The following TRNAU1AP variants were observed in gnomAD, a reference collection of about 807,000 sequenced individuals.
TRNAU1AP encodes the protein tRNA selenocysteine 1-associated protein 1.
A neutral mutation model predicts 43.3 loss-of-function variants in TRNAU1AP; 33 were observed. That is an observed-to-expected ratio of 0.76 (90% CI 0.58 to 1.02). The LOEUF is 1.02. Among genes scored for constraint, TRNAU1AP ranks in the 50% least tolerant of loss-of-function variants. TRNAU1AP has a pLI of 0.00. For synonymous variants in TRNAU1AP, 143 were observed against 129.1 expected, an observed-to-expected ratio of 1.11 and a Z score of -0.73; for missense variants, 290 against 362.7, an observed-to-expected ratio of 0.80 and a Z score of 1.63.
Position 28,567,413 on chromosome 1 carries a change from C to T in TRNAU1AP, c.530C>T (p.Ala177Val), listed in dbSNP as rs772628492. The change falls in exon 6 of 9, where the codon GCG becomes GTG. Residue 177 changes from alanine to valine, a missense_variant and splice_region_variant. Transcript: ENST00000373830. ...CGGCTGAGCGTGGCAATCCCTAAAG[C>T]GTGAGTCCTGCAGGGAAGGTAGAGA... ...PVRLSVAIPK[A>V]SRVKPVEYSQ... is the part of the protein sequence containing the mutation. 16 of 1,603,102 alleles carry T rather than the reference C, an allele frequency of 1.0e-5. No individual in the cohort carries two copies. Among genetic ancestry groups the T allele is most frequent in the South Asian group, 9.0e-5 (8 of 88,614 alleles).
At chr1:28,555,548 A>C (rs1665240780) in intron 2 of TRNAU1AP, among the ~76,000 whole-genome samples, 1 of 138,414 alleles carries the variant, frequency 7.2e-6, no homozygotes, top group African/African-American at 2.7e-5. Context: ...CCCAGGTTGG[A>C]GTGCAGTGGC....
At chr1:28,566,088 G>A (rs1398887413) in intron 5 of TRNAU1AP, among the ~76,000 whole-genome samples, 1 of 152,036 alleles carries the variant, frequency 6.6e-6, no homozygotes, top group Non-Finnish European at 1.5e-5. Flanking sequence ...AGACAGGCGG[G>A]TGGATCACCT....
intron 4 of TRNAU1AP, among the ~76,000 whole-genome samples, chr1:28,562,828 A>T (rs1034887617): frequency 1.3e-5 from 2 of 150,032 alleles, no homozygotes; most frequent in African/African-American, 4.9e-5. Context: ...TGATCTGCCC[A>T]CCTCAGCCTC....
chr1:28,569,838 A>G (rs1419419206), intron 6 of TRNAU1AP, among the ~76,000 whole-genome samples: 1 of 150,394 alleles, frequency 6.6e-6, no homozygotes, highest in Non-Finnish European at 1.5e-5. Flanking sequence ...TACCAAAAAA[A>G]AAAAAAAAAA....
chr1:28,559,247 GTC>G (rs1665350947), intron 2 of TRNAU1AP, among the ~76,000 whole-genome samples: 1 of 151,780 alleles, frequency 6.6e-6, no homozygotes. Flanking sequence ...AATTTTTTGA[GTC>G]TCTTTTAATG....
At chr1:28,571,074 A>G in intron 6 of TRNAU1AP, 102 bp from the exon 7 acceptor site, 1 of 1,197,954 alleles carries the variant, frequency 8.3e-7, no homozygotes, top group South Asian at 1.4e-5. Flanking sequence ...CAAGAAAAAA[A>G]AAAGTTAATC....
At chr1:28,556,087 C>T (rs1166090536) in intron 2 of TRNAU1AP, among the ~76,000 whole-genome samples, 8 of 152,130 alleles carry the variant, frequency 5.3e-5, no homozygotes, top group South Asian at 2.1e-4. Context: ...CTCATGACCT[C>T]GTGATCCGCC....
At chr1:28,572,442 C>T (rs372372389) in intron 8 of TRNAU1AP, among the ~76,000 whole-genome samples, 2 of 151,704 alleles carry the variant, frequency 1.3e-5, no homozygotes, top group South Asian at 4.2e-4. Flanking sequence ...GTGATCCGCC[C>T]GCCTCAGCCT....
intron 3 of TRNAU1AP, chr1:28,561,030 C>A: frequency 7.4e-7 from 1 of 1,342,720 alleles, no homozygotes; most frequent in Non-Finnish European, 9.6e-7. Context: ...AAACTCTAGA[C>A]CTCTTGCCTG....
At position 28,577,864 on chromosome 1, in the gene TRNAU1AP, C is replaced by T; in HGVS notation, c.*228C>T. 1 of 499,534 alleles carries T rather than the reference C, an allele frequency of 2.0e-6. No individual in the cohort carries two copies. Among genetic ancestry groups the T allele is most frequent in the Non-Finnish European group, 3.6e-6 (1 of 281,222 alleles). 30.9% of individuals were successfully genotyped at this position (499,534 alleles called of 1,614,324 possible). A position where few individuals can be genotyped will look rare whatever the true frequency, so the allele number is the denominator to read the frequency against. On this transcript the variant is annotated 3_prime_UTR_variant, in exon 9 of 9. Transcript: ENST00000373830. ...CAAATTGGTTTCCTTCACAGGAATC[C>T]TTTGTCCAGGTAGTTATCCACATAG... is the stretch of plus-strand genomic sequence containing the variant.
chr1:28,563,959 C>T (rs1291775699), intron 4 of TRNAU1AP, among the ~76,000 whole-genome samples: 1 of 152,002 alleles, frequency 6.6e-6, no homozygotes, highest in Non-Finnish European at 1.5e-5. Context: ...TTTGTATCAC[C>T]CACAAGCTCG....
intron 7 of TRNAU1AP, 73 bp from the exon 8 acceptor site, chr1:28,571,794 A>C: frequency 1.5e-6 from 2 of 1,306,958 alleles, no homozygotes; most frequent in South Asian, 2.4e-5. Context: ...AAAAAAATAA[A>C]AAATATAAGC....
At chr1:28,554,405 A>G (rs1411417235) in intron 2 of TRNAU1AP, among the ~76,000 whole-genome samples, 2 of 152,112 alleles carry the variant, frequency 1.3e-5, no homozygotes, top group Admixed American at 1.3e-4. Context: ...AGGACAGTGT[A>G]TGGCATATAG....
At chr1:28,575,849 CG>C (rs1665766313) in intron 8 of TRNAU1AP, among the ~76,000 whole-genome samples, 4 of 118,272 alleles carry the variant, frequency 3.4e-5, no homozygotes, top group Middle Eastern at 6.0e-3. Context: ...TGAGCCACTG[CG>C]CCTGGCTTTT....
At chr1:28,566,759 CAAAAA>C (rs1204229638) in intron 5 of TRNAU1AP, among the ~76,000 whole-genome samples, 5 of 72,366 alleles carry the variant, frequency 6.9e-5, no homozygotes, top group Admixed American at 6.1e-4. Context: ...AACTCCATCT[CAAAAA>C]AAAAAAAAAA....
intron 5 of TRNAU1AP, 73 bp downstream of exon 5, chr1:28,564,907 G>GA: frequency 6.3e-7 from 1 of 1,587,254 alleles, no homozygotes; most frequent in Non-Finnish European, 8.6e-7. Context: ...AGGTGTTTTA[G>GA]AAAGGCCCTG....
At position 28,577,501 on chromosome 1, in the gene TRNAU1AP, C is replaced by T. The variant is rs769702935; in HGVS notation, c.729C>T (p.Asp243=). 9 of 1,613,650 alleles carry T rather than the reference C, an allele frequency of 5.6e-6. No homozygotes were observed. The highest frequency in any genetic ancestry group is 4.0e-5 in the African/African-American group (3 of 74,888). Residue 243 remains aspartate, a splice_region_variant and synonymous_variant, in exon 9 of 9, where the codon GAC becomes GAT. Transcript: ENST00000373830. ...YEEVGDDALE[D]PMPQLDVTEA... ...ACCCCATCCTTGCTTGCTTTCCAGACCCCATGCCACAGCTGGATGTGACTG... is the reference window on the plus strand; with the variant it reads ...ACCCCATCCTTGCTTGCTTTCCAGATCCCATGCCACAGCTGGATGTGACTG...
Position 28,578,381 on chromosome 1 carries a change from G to A in TRNAU1AP, c.*745G>A, listed in dbSNP as rs548980504. Reference sequence around the variant, plus strand: ...AAACTGTCCAACCTTGTCATGTGTTGGGACTTACTGCTTGAGGCAAAGCAT... The same window carrying A: ...AAACTGTCCAACCTTGTCATGTGTTAGGACTTACTGCTTGAGGCAAAGCAT... On this transcript the variant is annotated 3_prime_UTR_variant, in exon 9 of 9. Transcript: ENST00000373830. 7 of 181,244 alleles carry A rather than the reference G, an allele frequency of 3.9e-5. No homozygotes were observed. In the East Asian group the frequency reaches 7.3e-4, roughly 19 times the overall value. 11.2% of individuals were successfully genotyped at this position (181,244 alleles called of 1,614,324 possible).
intron 8 of TRNAU1AP, among the ~76,000 whole-genome samples, chr1:28,573,645 C>T (rs1490178305): frequency 1.1e-4 from 17 of 152,002 alleles, no homozygotes; most frequent in South Asian, 6.2e-4. Flanking sequence ...TGGTGTTGCG[C>T]GCCTATAATC....
Sources: allele counts gnomAD v4.1 joint callset (sites outside exome capture counted in the v4.1 genomes callset), GRCh38; gene constraint gnomAD v4.1.1; transcripts MANE v1.5; gene names NCBI Gene and HGNC (gene_info 2026-07-23, HGNC 2026-07-21).